ARAP2: variants seen among roughly 807,000 people sequenced by gnomAD.
The protein encoded by ARAP2 is arf-GAP with Rho-GAP domain, ANK repeat and PH domain-containing protein 2.
ARAP2 carries 148 observed loss-of-function variants against 194.5 expected under a neutral mutation model. That is an observed-to-expected ratio of 0.76 (90% CI 0.67 to 0.87). The LOEUF (loss-of-function observed/expected upper bound fraction) is 0.87. Among genes scored for constraint, ARAP2 ranks in the 40% least tolerant of loss-of-function variants. ARAP2 has a pLI of 0.00. For synonymous variants in ARAP2, 695 were observed against 683.5 expected (o/e 1.02, Z -0.26); for missense variants, 2,128 against 1,989.7 (o/e 1.07, Z -1.32).
intron 28 of ARAP2, among the ~76,000 whole-genome samples, chr4:36,084,427 T>C (rs1730338104): frequency 6.6e-6 from 1 of 152,154 alleles, no homozygotes; most frequent in South Asian, 2.1e-4. Flanking sequence ...TCGTGTTGTT[T>C]TGGGTCAGAT....
At chr4:36,206,168 T>G (rs1483919060) in intron 6 of ARAP2, among the ~76,000 whole-genome samples, 1 of 152,182 alleles carries the variant, frequency 6.6e-6, no homozygotes, top group Non-Finnish European at 1.5e-5. Flanking sequence ...CCTTGGAGAC[T>G]GGATGGTGAC....
chr4:36,059,369 C>A (rs565036722), intron 1 of ARAP2, among the ~76,000 whole-genome samples: 4 of 152,084 alleles, frequency 2.6e-5, no homozygotes, highest in Non-Finnish European at 4.4e-5. Flanking sequence ...ATATAATCAA[C>A]GGCAGAGTGT....
intron 2 of ARAP2, among the ~76,000 whole-genome samples, chr4:36,225,979 A>T (rs1750217679): frequency 6.6e-6 from 1 of 152,216 alleles, no homozygotes; most frequent in Non-Finnish European, 1.5e-5. Flanking sequence ...CTTTAAAATC[A>T]TGGAATTACT....
intron 15 of ARAP2, among the ~76,000 whole-genome samples, chr4:36,152,401 A>G (rs1026903900): frequency 1.3e-5 from 2 of 152,236 alleles, no homozygotes; most frequent in Admixed American, 6.5e-5. Flanking sequence ...AGAAAAGGTA[A>G]AGTCAAAATA....
chr4:36,202,020 C>CA (rs1744466510), intron 6 of ARAP2, among the ~76,000 whole-genome samples: 1 of 152,100 alleles, frequency 6.6e-6, no homozygotes, highest in African/African-American at 2.4e-5. Flanking sequence ...ATATTCTAAA[C>CA]AATCTCAAAG....
intron 10 of ARAP2, 68 bp from the exon 11 acceptor site, chr4:36,165,181 T>G: frequency 1.4e-6 from 2 of 1,474,370 alleles, no homozygotes; most frequent in Non-Finnish European, 1.9e-6. Context: ...TATGTTCAGT[T>G]TGCATATTCA....
At chr4:36,241,433 A>G (rs913850119) in intron 1 of ARAP2, among the ~76,000 whole-genome samples, 1 of 152,188 alleles carries the variant, frequency 6.6e-6, no homozygotes, top group Admixed American at 6.5e-5. Flanking sequence ...TATATTAAGC[A>G]ACACTACTCG....
chr4:36,185,801 C>T (rs1272289967), intron 8 of ARAP2, among the ~76,000 whole-genome samples: 1 of 151,010 alleles, frequency 6.6e-6, no homozygotes, highest in South Asian at 2.1e-4. Flanking sequence ...CATGGTGAAA[C>T]CCCGTCTCTA....
chr4:36,030,260 T>C (rs1288609508), intron 5 of ARAP2, among the ~76,000 whole-genome samples: 1 of 152,124 alleles, frequency 6.6e-6, no homozygotes, highest in Non-Finnish European at 1.5e-5. Flanking sequence ...TATTTCTATA[T>C]AACTATAAAA....
At chr4:36,203,869 T>A (rs1299980940) in intron 6 of ARAP2, among the ~76,000 whole-genome samples, 1 of 151,670 alleles carries the variant, frequency 6.6e-6, no homozygotes, top group African/African-American at 2.4e-5. Flanking sequence ...ACAAAACCAC[T>A]CCTCCAAAAA....
chr4:36,109,956 A>G (rs182369223), intron 26 of ARAP2, among the ~76,000 whole-genome samples: 5 of 148,314 alleles, frequency 3.4e-5, no homozygotes, highest in African/African-American at 1.2e-4. Context: ...ATCAGCCATT[A>G]TATATACTGG....
At chr4:36,075,214 G>A (rs535353036) in intron 31 of ARAP2, among the ~76,000 whole-genome samples, 3 of 152,080 alleles carry the variant, frequency 2.0e-5, no homozygotes, top group Non-Finnish European at 4.4e-5. Context: ...TAGTGCATAC[G>A]CTAAAATATA....
chr4:36,106,632 T>C (rs925391127), intron 27 of ARAP2, among the ~76,000 whole-genome samples: 8 of 151,878 alleles, frequency 5.3e-5, no homozygotes, highest in African/African-American at 1.9e-4. Flanking sequence ...TTTCACATGA[T>C]TAAAATTAGG....
chr4:36,193,751 A>T, intron 6 of ARAP2, 104 bp from the exon 7 acceptor site: 1 of 888,128 alleles, frequency 1.1e-6, no homozygotes, highest in South Asian at 2.1e-5. Context: ...ATTTAATGTT[A>T]AACACCATAG....
intron 27 of ARAP2, among the ~76,000 whole-genome samples, chr4:36,103,370 G>A (rs563545706): frequency 5.9e-5 from 9 of 151,316 alleles, no homozygotes; most frequent in Admixed American, 1.3e-4. Context: ...TAAGACTTAC[G>A]CAACTTGAGA....
chr4:36,152,673 T>TAAA (rs5857475), intron 15 of ARAP2, among the ~76,000 whole-genome samples: 59 of 148,568 alleles, frequency 4.0e-4, no homozygotes, highest in South Asian at 6.4e-4. Context: ...ACTGAAGTGA[T>TAAA]AAAAAAAAAA....
chr4:36,225,730 A>G (rs1750161117), intron 2 of ARAP2, among the ~76,000 whole-genome samples: 2 of 152,140 alleles, frequency 1.3e-5, no homozygotes, highest in African/African-American at 4.8e-5. Context: ...AAAGAGCCCT[A>G]TGTCAGGAAA....
intron 1 of ARAP2, among the ~76,000 whole-genome samples, chr4:36,242,677 A>G (rs1753747031): frequency 6.6e-6 from 1 of 152,222 alleles, no homozygotes; most frequent in Non-Finnish European, 1.5e-5. Flanking sequence ...AGGAGCTTGC[A>G]GTGATATTAG....
chr4:36,166,482 G>GT (rs1055196658), intron 10 of ARAP2, among the ~76,000 whole-genome samples: 6 of 152,054 alleles, frequency 3.9e-5, no homozygotes, highest in African/African-American at 1.4e-4. Context: ...ATTAAATTTG[G>GT]TATCATTTTA....
Sources: allele counts gnomAD v4.1 joint callset (sites outside exome capture counted in the v4.1 genomes callset), GRCh38; gene constraint gnomAD v4.1.1; transcripts MANE v1.5; gene names NCBI Gene and HGNC (gene_info 2026-07-23, HGNC 2026-07-21).